EGFR: variants seen among roughly 807,000 people sequenced by gnomAD.
EGFR encodes epidermal growth factor receptor.
Under a neutral mutation model 143.0 loss-of-function variants are expected in EGFR, and 58 were observed. The ratio of observed to expected loss-of-function variants is 0.41; its 90% CI spans 0.33 to 0.50. EGFR has a LOEUF of 0.50. Among genes scored for constraint, EGFR ranks in the 20% least tolerant of loss-of-function variants. The pLI, the probability that EGFR is intolerant of heterozygous loss-of-function variation, is 0.39. For missense variants in EGFR, 1,307 were observed against 1,579.0 expected, an observed-to-expected ratio of 0.83 and a Z score of 2.92; for synonymous variants, 613 against 594.4, an observed-to-expected ratio of 1.03 and a Z score of -0.45.
At chr7:55,153,120 G>A (rs1785240976) in intron 6 of EGFR, among the ~76,000 whole-genome samples, 1 of 152,206 alleles carries the variant, frequency 6.6e-6, no homozygotes, top group African/African-American at 2.4e-5. Flanking sequence ...GAGCCACACA[G>A]GTCTTGCTGG....
chr7:55,075,662 C>T (rs1790095589), intron 1 of EGFR, among the ~76,000 whole-genome samples: 1 of 152,158 alleles, frequency 6.6e-6, no homozygotes, highest in Non-Finnish European at 1.5e-5. Flanking sequence ...GCAGAACCTA[C>T]CACCGTAGTG....
At chr7:55,091,890 A>ACC (rs1554329039) in intron 1 of EGFR, among the ~76,000 whole-genome samples, 77 of 96,708 alleles carry the variant, frequency 8.0e-4, no homozygotes, top group African/African-American at 2.9e-3. Flanking sequence ...ACACACACAC[A>ACC]CCCTGAGAGA....
chr7:55,138,123 A>G (rs142184211), intron 1 of EGFR, among the ~76,000 whole-genome samples: 1 of 152,362 alleles, frequency 6.6e-6, no homozygotes, highest in Non-Finnish European at 1.5e-5. Flanking sequence ...TAGATATGTG[A>G]TAAGGTGAAT....
At position 55,154,124 on chromosome 7, in the gene EGFR, T is replaced by C. The variant is rs761685805; in HGVS notation, c.861T>C (p.Phe287=). The change falls in exon 7 of 28, where the codon TTT becomes TTC. Residue 287 remains phenylalanine, a synonymous_variant. Coordinates refer to ENST00000275493, the MANE Select transcript of EGFR (RefSeq NM_005228.5). ...TGAACCCCGAGGGCAAATACAGCTT[T>C]GGTGCCACCTGCGTGAAGAAGTGTC... ...MDVNPEGKYS[F]GATCVKKCPR... is the part of the protein sequence containing the mutation. The C allele has an allele frequency of 1.8e-5, 29 of 1,614,130 alleles. No individual in the cohort carries two copies. The highest frequency in any genetic ancestry group is 2.5e-5 in the Non-Finnish European group (29 of 1,180,048).
At chr7:55,064,597 C>A (rs144419643) in intron 1 of EGFR, among the ~76,000 whole-genome samples, 1 of 152,158 alleles carries the variant, frequency 6.6e-6, no homozygotes, top group Non-Finnish European at 1.5e-5. Context: ...TCAGTCAGTG[C>A]GCATTTACTC....
chr7:55,066,579 C>T (rs1558542), intron 1 of EGFR, among the ~76,000 whole-genome samples: 21,450 of 152,292 alleles, frequency 0.14, 1,885 homozygotes, highest in Non-Finnish European at 0.19. Flanking sequence ...TCTCTTTTCA[C>T]TGTCGAGTTT....
At chr7:55,057,059 C>T (rs936259542) in intron 1 of EGFR, among the ~76,000 whole-genome samples, 3 of 152,146 alleles carry the variant, frequency 2.0e-5, no homozygotes, top group African/African-American at 4.8e-5. Context: ...ATAGGTGGTG[C>T]GACTGCCATC....
At chr7:55,047,526 G>A (rs1301661379) in intron 1 of EGFR, among the ~76,000 whole-genome samples, 3 of 152,140 alleles carry the variant, frequency 2.0e-5, no homozygotes, top group Non-Finnish European at 4.4e-5. Context: ...GAGGCAGGTG[G>A]ATCACCTGAG....
chr7:55,020,596 G>T (rs946469521), intron 1 of EGFR, among the ~76,000 whole-genome samples: 2 of 104,842 alleles, frequency 1.9e-5, no homozygotes, highest in African/African-American at 3.5e-5. Context: ...ACACACACCG[G>T]ATTGCTGTCC....
intron 1 of EGFR, among the ~76,000 whole-genome samples, chr7:55,029,023 G>A (rs1278738042): frequency 1.3e-5 from 2 of 152,192 alleles, no homozygotes; most frequent in East Asian, 3.9e-4. Flanking sequence ...GCTGGGTGCG[G>A]TGGCACGTGC....
At chr7:55,034,200 T>C (rs1787425266) in intron 1 of EGFR, among the ~76,000 whole-genome samples, 2 of 152,160 alleles carry the variant, frequency 1.3e-5, no homozygotes, top group African/African-American at 4.8e-5. Context: ...TGGATTTGTA[T>C]TCCCCCTCTG....
chr7:55,122,534 C>T (rs1007412607), intron 1 of EGFR, among the ~76,000 whole-genome samples: 2 of 152,268 alleles, frequency 1.3e-5, no homozygotes, highest in Non-Finnish European at 2.9e-5. Flanking sequence ...GAGCTCCGCT[C>T]ACTTTTGGCA....
chr7:55,175,193 G>C (rs905440164), intron 19 of EGFR, among the ~76,000 whole-genome samples: 1 of 152,228 alleles, frequency 6.6e-6, no homozygotes, highest in Non-Finnish European at 1.5e-5. Context: ...ATATGGCTGG[G>C]ATAGGGTTTA....
At chr7:55,036,216 C>T (rs1787560612) in intron 1 of EGFR, among the ~76,000 whole-genome samples, 1 of 122,736 alleles carries the variant, frequency 8.1e-6, no homozygotes. Context: ...GATTAACTTA[C>T]ATGAGCTAAG....
chr7:55,183,888 C>T (rs1035817173), intron 20 of EGFR, among the ~76,000 whole-genome samples: 7 of 152,222 alleles, frequency 4.6e-5, no homozygotes, highest in African/African-American at 1.7e-4. Flanking sequence ...TGTTCTTAAT[C>T]ATCTCCCAGT....
At position 55,155,941 on chromosome 7, in the gene EGFR, G is replaced by C. The variant is rs771929085; in HGVS notation, c.1001G>C (p.Arg334Pro). ...RKCKKCEGPC[R>P]KVCNGIGIGE... ...TGTAAGAAGTGCGAAGGGCCTTGCC[G>C]CAAAGGTAGGAAGCCCGCCGGTGTG... The change falls in exon 8 of 28, where the codon CGC becomes CCC. Residue 334 changes from arginine to proline, a missense_variant. Physicochemically the swap from Arg to Pro is moderately radical, Grantham distance 103. Coordinates refer to ENST00000275493, the MANE Select transcript of EGFR (RefSeq NM_005228.5). 1 of 1,611,162 alleles carries C rather than the reference G, an allele frequency of 6.2e-7. No homozygotes were observed. Among genetic ancestry groups the C allele is most frequent in the Non-Finnish European group, 8.5e-7 (1 of 1,178,526 alleles).
At chr7:55,133,595 C>G (rs971782561) in intron 1 of EGFR, among the ~76,000 whole-genome samples, 19 of 152,364 alleles carry the variant, frequency 1.2e-4, no homozygotes, top group African/African-American at 4.1e-4. Context: ...TGTCTCTGAG[C>G]TCACCTTTGG....
intron 1 of EGFR, among the ~76,000 whole-genome samples, chr7:55,111,142 C>T (rs758498322): frequency 1.3e-5 from 2 of 152,174 alleles, no homozygotes; most frequent in African/African-American, 2.4e-5. Flanking sequence ...CAGCTGGGTT[C>T]GGGTATCGCG....
At chr7:55,132,015 G>T (rs1166627358) in intron 1 of EGFR, among the ~76,000 whole-genome samples, 1 of 149,092 alleles carries the variant, frequency 6.7e-6, no homozygotes, top group Non-Finnish European at 1.5e-5. Flanking sequence ...CTTTTCTTTC[G>T]ATTTTTGGTT....
Sources: gnomAD v4.1 joint callset for allele counts (sites outside exome capture counted in the v4.1 genomes callset) on GRCh38, gnomAD v4.1.1 for gene constraint, MANE v1.5 for transcripts, NCBI Gene and HGNC (gene_info 2026-07-23, HGNC 2026-07-21) for gene names.